Variants in ZNF324 observed in about 807,000 individuals in gnomAD.
ZNF324 encodes zinc finger protein 324A.
In ZNF324, 3 loss-of-function variants were observed where a neutral mutation model predicts 10.3. That is an observed-to-expected ratio of 0.29 (90% CI 0.13 to 0.75). The LOEUF (loss-of-function observed/expected upper bound fraction) is 0.75. Ranked by LOEUF, ZNF324 falls within the 30% of genes least tolerant of loss-of-function variation. ZNF324 has a pLI of 0.69. For synonymous variants in ZNF324, 430 were observed against 339.5 expected, an observed-to-expected ratio of 1.27 and a Z score of -2.93; for missense variants, 763 against 784.4, an observed-to-expected ratio of 0.97 and a Z score of 0.33.
In ZNF324 at chr19:58,469,410, C is replaced by T. The variant is rs577757072; in HGVS notation, c.121+104C>T. 1.6e-5 allele frequency: 24 copies of T among 1,458,470 alleles called. No individual in the cohort carries two copies. The South Asian group carries it at 2.0e-4, about 12-fold the overall frequency. The allele number at this position is 1,458,470 out of a possible 1,614,324, so 90.3% of individuals were successfully genotyped here. On this transcript the variant is annotated intron_variant, in intron 2 of 3. Coordinates refer to ENST00000196482, the MANE Select transcript of ZNF324 (RefSeq NM_014347.3). Reference sequence around the variant, plus strand: ...GGCTGACGAGCAGGCCTATACCTTGCAGCCAGGAGCCATGTGGAATAGGGG... The same window carrying T: ...GGCTGACGAGCAGGCCTATACCTTGTAGCCAGGAGCCATGTGGAATAGGGG...
chr19:58,472,115 C>T lies in ZNF324; in HGVS notation c.1623C>T (p.Ala541=), dbSNP rs1410409532. Residue 541 remains alanine, a synonymous_variant, in exon 4 of 4, where the codon GCC becomes GCT. Coordinates refer to ENST00000196482, the MANE Select transcript of ZNF324 (RefSeq NM_014347.3). ...CGAAGGAAACCGAGCCCACTCCCGC[C>T]TCGGGCCCAGCCGCCGTCTCGCAGC... ...APAKETEPTP[A]SGPAAVSQPA... 2 of 1,593,026 alleles carry T rather than the reference C, an allele frequency of 1.3e-6. No individual in the cohort carries two copies. Among genetic ancestry groups the T allele is most frequent in the Non-Finnish European group, 1.7e-6 (2 of 1,170,816 alleles).
Position 58,475,239 on chromosome 19 carries a change from G to A in ZNF324, c.*3085G>A, listed in dbSNP as rs1161935125. ...CAGAGCAGGCAGCAGGGATTCCCAG[G>A]TATCCAAAGAAACCAAAACAGGCGG... On this transcript the variant is annotated 3_prime_UTR_variant, in exon 4 of 4. Transcript: ENST00000196482. 1 of 152,156 alleles carries A rather than the reference G, an allele frequency of 6.6e-6. No individual in the cohort carries two copies. Among genetic ancestry groups the A allele is most frequent in the Non-Finnish European group, 1.5e-5 (1 of 68,032 alleles). 9.4% of individuals were successfully genotyped at this position (152,156 alleles called of 1,614,324 possible).
intron 1 of ZNF324, chr19:58,467,570 CTTCCTAGACCTCGCCTAGTCGTCT>C (rs2052992984): frequency 6.6e-6 from 1 of 152,642 alleles, no homozygotes; most frequent in African/African-American, 2.4e-5. Flanking sequence ...AGGGAGGCCG[CTTCCTAGACCTCGCCTAGTCGTCT>C]TTCCTCTCCC....
chr19:58,469,935 TC>T (rs1555790178), intron 3 of ZNF324, 91 bp downstream of exon 3: 3 of 930,440 alleles, frequency 3.2e-6, no homozygotes, highest in Non-Finnish European at 5.0e-6. Context: ...AGCACCCTCC[TC>T]CCCTCCCTCC....
At position 58,470,984 on chromosome 19, in the gene ZNF324, C is replaced by A; in HGVS notation, c.492C>A (p.Ser164=). The A allele has an allele frequency of 6.2e-7, 1 of 1,614,228 alleles. No individual in the cohort carries two copies. Among genetic ancestry groups the A allele is most frequent in the Non-Finnish European group, 8.5e-7 (1 of 1,180,038 alleles). Residue 164 remains serine (S), a synonymous_variant, in exon 4 of 4, where the codon TCC becomes TCA. Coordinates refer to ENST00000196482, the MANE Select transcript of ZNF324 (RefSeq NM_014347.3). ...CCAGCGTCAGCCTGCGACTGACCTC[C>A]CCGCTTAGGCCTCCCGAGGGCGTCC... ...GQASVSLRLT[S]PLRPPEGVRL...
rs754718188 is a variant in ZNF324 at position 58,472,155 on chromosome 19, G to C, written c.*1G>C. On this transcript the variant is annotated 3_prime_UTR_variant, in exon 4 of 4. Coordinates refer to ENST00000196482, the MANE Select transcript of ZNF324 (RefSeq NM_014347.3). ...CGTCTCGCAGCCAGCGGAGGTCTGA[G>C]GTCACAGGTTGCAGCCCTGGCCTTC... 1.3e-6 allele frequency: 2 copies of C among 1,570,778 alleles called. No individual in the cohort carries two copies. The highest frequency in any genetic ancestry group is 1.1e-5 in the South Asian group (1 of 87,014).
intron 3 of ZNF324, 195 bp from the exon 4 acceptor site, chr19:58,470,536 G>T (rs1035521427): frequency 1.4e-6 from 1 of 718,964 alleles, no homozygotes; most frequent in South Asian, 1.5e-5. Context: ...GGAGTGCCCA[G>T]TGTAGTCAGT....
Position 58,472,214 on chromosome 19 carries a change from C to T in ZNF324, c.*60C>T, listed in dbSNP as rs886256396. 4.1e-6 allele frequency: 6 copies of T among 1,460,844 alleles called. No individual in the cohort carries two copies. The highest frequency in any genetic ancestry group is 1.8e-4 in the Middle Eastern group (1 of 5,428). 90.5% of individuals were successfully genotyped at this position (1,460,844 alleles called of 1,614,324 possible). On this transcript the variant is annotated 3_prime_UTR_variant, in exon 4 of 4. Coordinates refer to ENST00000196482, the MANE Select transcript of ZNF324 (RefSeq NM_014347.3). ...CCTTCCACAGCTAAAGGGCATATGT[C>T]CTCTGCAGATCCACAGCAGAGAAAA... is the stretch of plus-strand genomic sequence containing the variant.
In ZNF324 at chr19:58,472,127, C is replaced by T; in HGVS notation, c.1635C>T (p.Ala545=). ...AGCCCACTCCCGCCTCGGGCCCAGCCGCCGTCTCGCAGCCAGCGGAGGTCT... is the reference window on the plus strand; with the variant it reads ...AGCCCACTCCCGCCTCGGGCCCAGCTGCCGTCTCGCAGCCAGCGGAGGTCT... The part of the protein sequence containing the change: ...ETEPTPASGP[A]AVSQPAEV The change falls in exon 4 of 4, where the codon GCC becomes GCT. Residue 545 remains alanine (A), a synonymous_variant. Transcript: ENST00000196482. 4 of 1,588,354 alleles carry T rather than the reference C, an allele frequency of 2.5e-6. No individual in the cohort carries two copies. Among genetic ancestry groups the T allele is most frequent in the South Asian group, 1.1e-5 (1 of 89,810 alleles).
Position 58,472,191 on chromosome 19 carries a change from T to C in ZNF324, c.*37T>C. The C allele has an allele frequency of 6.6e-7, 1 of 1,524,366 alleles. No individual in the cohort carries two copies. The highest frequency in any genetic ancestry group is 8.8e-7 in the Non-Finnish European group (1 of 1,136,424). The allele number at this position is 1,524,366 out of a possible 1,614,324, so 94.4% of individuals were successfully genotyped here. The stretch of plus-strand genomic sequence containing the variant: ...GCAGCCCTGGCCTTCTGTGAATCCC[T>C]TCCACAGCTAAAGGGCATATGTCCT... On this transcript the variant is annotated 3_prime_UTR_variant, in exon 4 of 4. Transcript: ENST00000196482.
Position 58,471,000 on chromosome 19 carries a change from G to T in ZNF324, c.508G>T (p.Glu170Ter). ...LRLTSPLRPP[E>*]GVRLREKTLT... Reference sequence around the variant, plus strand: ...ACTGACCTCCCCGCTTAGGCCTCCCGAGGGCGTCCGGCTTAGAGAAAAGAC... The same window carrying T: ...ACTGACCTCCCCGCTTAGGCCTCCCTAGGGCGTCCGGCTTAGAGAAAAGAC... The change falls in exon 4 of 4, where the codon GAG becomes TAG. Residue 170 changes from glutamate (E) to a stop codon, truncating the protein, a stop_gained. Transcript: ENST00000196482. LOFTEE classifies it low-confidence loss of function (END_TRUNC). The T allele has an allele frequency of 6.2e-7, 1 of 1,614,164 alleles. No homozygotes were observed. Among genetic ancestry groups the T allele is most frequent in the Non-Finnish European group, 8.5e-7 (1 of 1,180,044 alleles).
chr19:58,469,113 A>C, intron 1 of ZNF324, 67 bp from the exon 2 acceptor site: 1 of 1,608,084 alleles, frequency 6.2e-7, no homozygotes, highest in Non-Finnish European at 8.5e-7. Context: ...AATGTGGCCC[A>C]GGGAAGCCAA....
At position 58,472,006 on chromosome 19, in the gene ZNF324, G is replaced by T; in HGVS notation, c.1514G>T (p.Gly505Val). Residue 505 changes from glycine to valine, a missense_variant, in exon 4 of 4, where the codon GGC becomes GTC. Gly to Val is a moderately radical substitution (Grantham distance 109, BLOSUM62 -3). Coordinates refer to ENST00000196482, the MANE Select transcript of ZNF324 (RefSeq NM_014347.3). ...ALFHHQRIHT[G>V]EKTVRRSRAS... is the part of the protein sequence containing the mutation. ...TTCCACCACCAGAGGATCCATACCGGCGAGAAGACCGTCCGGCGATCCAGG... is the reference window on the plus strand; with the variant it reads ...TTCCACCACCAGAGGATCCATACCGTCGAGAAGACCGTCCGGCGATCCAGG... 6.2e-7 allele frequency: 1 copy of T among 1,608,096 alleles called. No individual in the cohort carries two copies. The highest frequency in any genetic ancestry group is 1.1e-5 in the South Asian group (1 of 91,068).
rs1271669647 is a variant in ZNF324 at position 58,470,867 on chromosome 19, A to G, written c.375A>G (p.Gln125=). The G allele has an allele frequency of 6.2e-7, 1 of 1,614,014 alleles. No homozygotes were observed. The highest frequency in any genetic ancestry group is 8.5e-7 in the Non-Finnish European group (1 of 1,180,030). ...ACAGTGTAAAAAGCCTGCAGAGACA[A>G]CGGGGTGCCTCCCCATCTCGGGAGA... ...ACHSVKSLQR[Q]RGASPSRERK... is the part of the protein sequence containing the mutation. The change falls in exon 4 of 4, where the codon CAA becomes CAG. Residue 125 remains glutamine, a synonymous_variant. Transcript: ENST00000196482.
rs1449488152 is a variant in ZNF324 at position 58,473,368 on chromosome 19, C to G, written c.*1214C>G. 6.8e-6 allele frequency: 1 copy of G among 146,016 alleles called. No individual in the cohort carries two copies. The highest frequency in any genetic ancestry group is 1.5e-5 in the Non-Finnish European group (1 of 67,314). 9.0% of individuals were successfully genotyped at this position (146,016 alleles called of 1,614,324 possible). A position where few individuals can be genotyped will look rare whatever the true frequency, so the allele number is the denominator to read the frequency against. ...GGCCTTCAGCAGACCAGGCCCTGTC[C>G]CTACCTGGAGCCTCACCTCCAAGGA... On this transcript the variant is annotated 3_prime_UTR_variant, in exon 4 of 4. Coordinates refer to ENST00000196482, the MANE Select transcript of ZNF324 (RefSeq NM_014347.3).
At chr19:58,469,043 C>G in intron 1 of ZNF324, 137 bp from the exon 2 acceptor site, 1 of 1,023,432 alleles carries the variant, frequency 9.8e-7, no homozygotes, top group Non-Finnish European at 1.4e-6. Flanking sequence ...TTTTTTTTAG[C>G]TCATCAGCTG....
Position 58,472,200 on chromosome 19 carries a change from T to C in ZNF324, c.*46T>C. The C allele has an allele frequency of 6.6e-7, 1 of 1,506,840 alleles. No homozygotes were observed. Among genetic ancestry groups the C allele is most frequent in the East Asian group, 2.3e-5 (1 of 43,500 alleles). The allele number at this position is 1,506,840 out of a possible 1,614,324, so 93.3% of individuals were successfully genotyped here. Reference sequence around the variant, plus strand: ...GCCTTCTGTGAATCCCTTCCACAGCTAAAGGGCATATGTCCTCTGCAGATC... The same window carrying C: ...GCCTTCTGTGAATCCCTTCCACAGCCAAAGGGCATATGTCCTCTGCAGATC... On this transcript the variant is annotated 3_prime_UTR_variant, in exon 4 of 4. Coordinates refer to ENST00000196482, the MANE Select transcript of ZNF324 (RefSeq NM_014347.3).
At chr19:58,468,315 C>A in intron 1 of ZNF324, 1 of 892,404 alleles carries the variant, frequency 1.1e-6, no homozygotes, top group Non-Finnish European at 1.3e-6. Context: ...TAAAGAAGAC[C>A]AGCTGGGATG....
Position 58,469,264 on chromosome 19 carries a change from C to T in ZNF324, c.79C>T (p.Arg27Cys), listed in dbSNP as rs140605531. The T allele has an allele frequency of 3.5e-4, 562 of 1,614,184 alleles. No individual in the cohort carries two copies. Among genetic ancestry groups the T allele is most frequent in the South Asian group, 5.8e-4 (53 of 91,080 alleles). The stretch of plus-strand genomic sequence containing the variant: ...GGACACAGCCCAGAGGGCCCTGTAC[C>T]GCCGCGTGATGCTAGACAACTTCGC... ...LLDTAQRALY[R>C]RVMLDNFALV... The change falls in exon 2 of 4, where the codon CGC (arginine) becomes TGC (cysteine). Residue 27 changes from arginine (R) to cysteine (C), a missense_variant. Coordinates refer to ENST00000196482, the MANE Select transcript of ZNF324 (RefSeq NM_014347.3).
Sources: gnomAD v4.1 joint callset for allele counts on GRCh38, gnomAD v4.1.1 for gene constraint, MANE v1.5 for transcripts, NCBI Gene and HGNC (gene_info 2026-07-23, HGNC 2026-07-21) for gene names.